TLL1: variants seen among roughly 807,000 people sequenced by gnomAD.
TLL1 encodes the protein tolloid like 1.
Under a neutral mutation model 128.2 loss-of-function variants are expected in TLL1, and 49 were observed. That is an observed-to-expected ratio of 0.38 (90% CI 0.30 to 0.48). TLL1 has a LOEUF of 0.48. TLL1 is among the 20% of genes least tolerant of loss of function. The pLI is 0.96. For synonymous variants in TLL1, 454 were observed against 418.8 expected (o/e 1.08, Z -1.03); for missense variants, 1,123 against 1,242.0 (o/e 0.90, Z 1.44).
In TLL1 at chr4:166,061,355, T is replaced by C. The variant is rs553031416; in HGVS notation, c.2007+1167T>C. 2.6e-5 allele frequency among the ~76,000 whole-genome samples: 4 copies of C among 151,850 alleles called. No individual in the cohort carries two copies. In the South Asian group the frequency reaches 8.3e-4, roughly 32 times the overall value. Reference sequence around the variant, plus strand: ...CCGCCTCCTGGGTTCAAACAATTCTTCCTGCCTCAGCCTCCCGAATAGCTG... The same window carrying C: ...CCGCCTCCTGGGTTCAAACAATTCTCCCTGCCTCAGCCTCCCGAATAGCTG... On this transcript the variant is annotated intron_variant, in intron 15 of 20. Transcript: ENST00000061240.
intron 1 of TLL1, among the ~76,000 whole-genome samples, chr4:165,980,189 A>G (rs1019571387): frequency 5.3e-5 from 8 of 150,348 alleles, no homozygotes; most frequent in East Asian, 3.9e-4. Context: ...TTGGGCAGAC[A>G]CTCTGAGTGT....
At chr4:165,937,675 T>C (rs1733823870) in intron 1 of TLL1, among the ~76,000 whole-genome samples, 1 of 152,142 alleles carries the variant, frequency 6.6e-6, no homozygotes, top group Admixed American at 6.5e-5. Flanking sequence ...TTTTGAAATT[T>C]GGTCTCCAGT....
intron 19 of TLL1, among the ~76,000 whole-genome samples, chr4:166,097,862 C>G (rs1159480071): frequency 6.6e-6 from 1 of 152,040 alleles, no homozygotes; most frequent in Middle Eastern, 3.2e-3. Context: ...AGTGAAACTC[C>G]TGCTTCCCGG....
intron 9 of TLL1, among the ~76,000 whole-genome samples, chr4:166,036,444 G>A (rs1252255289): frequency 6.6e-6 from 1 of 152,084 alleles, no homozygotes; most frequent in Admixed American, 6.5e-5. Context: ...TTATATAGTT[G>A]TGTTTTGTAT....
At chr4:166,054,641 C>T (rs1242207337) in intron 12 of TLL1, among the ~76,000 whole-genome samples, 7 of 147,014 alleles carry the variant, frequency 4.8e-5, no homozygotes, top group Non-Finnish European at 1.0e-4. Context: ...GTTCAATTCC[C>T]ACCTATGAGT....
At position 166,055,108 on chromosome 4, in the gene TLL1, C is replaced by T. The variant is rs756078976; in HGVS notation, c.1557C>T (p.Tyr519=). Residue 519 remains tyrosine (Y), a synonymous_variant, in exon 13 of 21, where the codon TAC becomes TAT. Coordinates refer to ENST00000061240, the MANE Select transcript of TLL1 (RefSeq NM_012464.5). ...GACATGACAATTGTGCTTATGACTA[C>T]CTGGAAGTTAGAGATGGAACCAGTG... is the stretch of plus-strand genomic sequence containing the variant. ...IERHDNCAYD[Y]LEVRDGTSEN... 5.6e-6 allele frequency: 9 copies of T among 1,612,160 alleles called. No homozygotes were observed. Among genetic ancestry groups the T allele is most frequent in the Non-Finnish European group, 5.9e-6 (7 of 1,179,402 alleles).
intron 8 of TLL1, among the ~76,000 whole-genome samples, 160 bp from the exon 9 acceptor site, chr4:166,025,156 A>T (rs1355008170): frequency 6.6e-6 from 1 of 152,234 alleles, no homozygotes; most frequent in Non-Finnish European, 1.5e-5. Context: ...AATTCCAGTA[A>T]GGGACATAAA....
intron 6 of TLL1, among the ~76,000 whole-genome samples, chr4:166,006,112 T>A (rs1222915357): frequency 6.6e-6 from 1 of 151,830 alleles, no homozygotes. Context: ...AAGGGTGATG[T>A]CTAATAAGCA....
At chr4:166,008,825 G>A (rs1229982127) in intron 7 of TLL1, among the ~76,000 whole-genome samples, 2 of 145,282 alleles carry the variant, frequency 1.4e-5, no homozygotes, top group Non-Finnish European at 3.0e-5. Context: ...GCCCACTTAT[G>A]TCCATTTCAC....
chr4:166,038,401 A>G (rs1477574834), intron 9 of TLL1, among the ~76,000 whole-genome samples: 1 of 152,056 alleles, frequency 6.6e-6, no homozygotes, highest in Admixed American at 6.6e-5. Flanking sequence ...AGTCCATCAC[A>G]ATTTCTAGAG....
chr4:166,079,185 C>T (rs1158784966), intron 18 of TLL1, among the ~76,000 whole-genome samples: 2 of 152,134 alleles, frequency 1.3e-5, no homozygotes, highest in African/African-American at 4.8e-5. Flanking sequence ...GGATGATTCC[C>T]TGAACCTTAT....
intron 1 of TLL1, among the ~76,000 whole-genome samples, chr4:165,988,446 C>CA (rs1736485075): frequency 6.6e-6 from 1 of 151,792 alleles, no homozygotes; most frequent in South Asian, 2.1e-4. Flanking sequence ...CCTTTCTGTA[C>CA]AAAAAATACA....
intron 1 of TLL1, among the ~76,000 whole-genome samples, chr4:165,901,609 C>G (rs1283862808): frequency 1.3e-5 from 2 of 152,176 alleles, no homozygotes; most frequent in Non-Finnish European, 2.9e-5. Flanking sequence ...CTGTTCCTTC[C>G]TCTGGAAGCT....
At chr4:166,068,793 A>T (rs993747862) in intron 16 of TLL1, among the ~76,000 whole-genome samples, 1 of 151,886 alleles carries the variant, frequency 6.6e-6, no homozygotes, top group African/African-American at 2.4e-5. Context: ...TGGCAAATGC[A>T]CTTTGTGGAC....
intron 1 of TLL1, among the ~76,000 whole-genome samples, chr4:165,927,386 A>G (rs1733323696): frequency 6.6e-6 from 1 of 152,216 alleles, no homozygotes; most frequent in Non-Finnish European, 1.5e-5. Context: ...AATGTGTTTA[A>G]ATTTTTTATG....
At chr4:165,973,663 C>CTT (rs1163022177) in intron 1 of TLL1, among the ~76,000 whole-genome samples, 2 of 143,318 alleles carry the variant, frequency 1.4e-5, no homozygotes. Flanking sequence ...AGCATTAGTT[C>CTT]TTTTTTTTTT....
chr4:165,947,928 G>T (rs1001753868), intron 1 of TLL1, among the ~76,000 whole-genome samples: 1 of 152,110 alleles, frequency 6.6e-6, no homozygotes, highest in African/African-American at 2.4e-5. Flanking sequence ...ACGAAATAAG[G>T]CTGTTTGAAC....
At chr4:166,057,161 T>A (rs1255604993) in intron 13 of TLL1, 23 bp from the exon 14 acceptor site, 3 of 1,613,224 alleles carry the variant, frequency 1.9e-6, no homozygotes, top group Admixed American at 3.3e-5. Flanking sequence ...ATAGTTGTTC[T>A]ATAACTATGA....
At position 166,060,114 on chromosome 4, in the gene TLL1, G is replaced by A. The variant is rs746699823; in HGVS notation, c.1933G>A (p.Val645Met). The A allele has an allele frequency of 6.2e-7, 1 of 1,613,826 alleles. No individual in the cohort carries two copies. The highest frequency in any genetic ancestry group is 8.5e-7 in the Non-Finnish European group (1 of 1,179,902). Residue 645 changes from valine to methionine, a missense_variant, in exon 15 of 21, where the codon GTG (valine) becomes ATG (methionine). Around this residue, in one of 3 missense-constraint regions of TLL1, gnomAD observed 634 missense variants for 672.4 expected, o/e 0.94. Transcript: ENST00000061240. ...PKEYPPNKNC[V>M]WQVVAPTQYR... Reference sequence around the variant, plus strand: ...GGAGTACCCTCCTAATAAGAACTGTGTGTGGCAAGTGGTTGCACCAACCCA... The same window carrying A: ...GGAGTACCCTCCTAATAAGAACTGTATGTGGCAAGTGGTTGCACCAACCCA...
Sources: gnomAD v4.1 joint callset for allele counts (sites outside exome capture counted in the v4.1 genomes callset) on GRCh38, gnomAD v4.1.1 for gene constraint, gnomAD v4.1.1 regional missense constraint, MANE v1.5 for transcripts, NCBI Gene and HGNC (gene_info 2026-07-23, HGNC 2026-07-21) for gene names.